The following SETD3 variants were observed in gnomAD, a reference collection of about 807,000 sequenced individuals.
The protein encoded by SETD3 is SET domain containing 3, actin N3(tau)-histidine methyltransferase.
Under a neutral mutation model 63.0 loss-of-function variants are expected in SETD3, and 19 were observed. That is an observed-to-expected ratio of 0.30 (90% CI 0.21 to 0.44). The LOEUF is 0.44. SETD3 is among the 20% of genes least tolerant of loss of function. The probability of loss-of-function intolerance (pLI) is 1.00; values close to 1 mark genes in which losing one functional copy is unlikely to be tolerated. For missense variants in SETD3, 587 were observed against 728.5 expected (o/e 0.81, Z 2.24); for synonymous variants, 286 against 264.1 (o/e 1.08, Z -0.80).
chr14:99,464,170 C>T (rs1460223832), intron 2 of SETD3, among the ~76,000 whole-genome samples: 1 of 152,170 alleles, frequency 6.6e-6, no homozygotes, highest in East Asian at 1.9e-4. Flanking sequence ...GCCAAGATTC[C>T]ACTGTGGGGC....
intron 6 of SETD3, 56 bp from the exon 7 acceptor site, chr14:99,413,990 A>T: frequency 6.7e-7 from 1 of 1,481,602 alleles, no homozygotes; most frequent in Non-Finnish European, 9.4e-7. Flanking sequence ...GGAAAACAGA[A>T]ATCAGTCAGC....
intron 6 of SETD3, among the ~76,000 whole-genome samples, chr14:99,420,007 C>T (rs1892499984): frequency 6.6e-6 from 1 of 152,192 alleles, no homozygotes; most frequent in African/African-American, 2.4e-5. Context: ...AGGCACTGTA[C>T]ATCACTGATA....
rs560245599 is a variant in SETD3 at position 99,478,129 on chromosome 14, G to A, written c.-9+2599C>T. On this transcript the variant is annotated intron_variant, in intron 1 of 12. Transcript: ENST00000331768. ...AAAAGATTTTTCACTGATAAAAAAA[G>A]GGCCCAAAAATAAGGGTAGGTAATT... Among the ~76,000 whole-genome samples the A allele has an allele frequency of 1.2e-4, 19 of 152,242 alleles. No homozygotes were observed. In the South Asian group the frequency reaches 2.9e-3, roughly 23 times the overall value.
intron 6 of SETD3, among the ~76,000 whole-genome samples, chr14:99,450,008 G>A (rs1448955970): frequency 6.6e-6 from 1 of 152,186 alleles, no homozygotes; most frequent in Non-Finnish European, 1.5e-5. Context: ...AGGGAGAGGA[G>A]CCCCATGCCA....
chr14:99,415,009 T>C (rs1892214959), intron 6 of SETD3, among the ~76,000 whole-genome samples: 1 of 152,334 alleles, frequency 6.6e-6, no homozygotes, highest in South Asian at 2.1e-4. Flanking sequence ...GAGGTAAAAG[T>C]AGCTAAAACC....
chr14:99,427,640 A>C (rs1213898348), intron 6 of SETD3, among the ~76,000 whole-genome samples: 1 of 152,164 alleles, frequency 6.6e-6, no homozygotes, highest in Non-Finnish European at 1.5e-5. Context: ...CTTTAATCTC[A>C]TCTTAAAGCT....
At chr14:99,439,782 G>A (rs936662075) in intron 6 of SETD3, among the ~76,000 whole-genome samples, 8 of 149,984 alleles carry the variant, frequency 5.3e-5, no homozygotes, top group Non-Finnish European at 1.2e-4. Context: ...ATAAATGTAT[G>A]TATTTATATG....
At chr14:99,402,600 C>A (rs576298721) in intron 11 of SETD3, among the ~76,000 whole-genome samples, 11 of 152,206 alleles carry the variant, frequency 7.2e-5, no homozygotes, top group African/African-American at 2.2e-4. Context: ...ACTCTTCCCC[C>A]ACTCCCCACC....
At chr14:99,420,078 T>C (rs6575718) in intron 6 of SETD3, among the ~76,000 whole-genome samples, 152,236 of 152,320 alleles carry the variant, frequency 1, 76,078 homozygotes, top group Middle Eastern at 1. Context: ...CACAAAAGGA[T>C]GGTAGGCAAG....
Position 99,418,953 on chromosome 14 carries a change from G to A in SETD3, c.676-5019C>T, listed in dbSNP as rs145887913. On this transcript the variant is annotated intron_variant, in intron 6 of 12. Transcript: ENST00000331768. ...CATAAGCAGCAGCATGCAAGACAGC[G>A]AGTTTCTAGAAGGCTGATCAACCCG... Among the ~76,000 whole-genome samples, 586 of 152,270 alleles carry A rather than the reference G, an allele frequency of 3.8e-3. 4 individuals carry two copies. Among genetic ancestry groups the A allele is most frequent in the African/African-American group, 0.013 (558 of 41,554 alleles).
At chr14:99,467,231 C>T (rs1183103859) in intron 1 of SETD3, among the ~76,000 whole-genome samples, 1 of 152,214 alleles carries the variant, frequency 6.6e-6, no homozygotes, top group Non-Finnish European at 1.5e-5. Context: ...CAGTGTCAGT[C>T]ATCCTGGAAT....
At chr14:99,463,430 T>C (rs1460844509) in intron 3 of SETD3, 56 bp downstream of exon 3, 2 of 1,372,672 alleles carry the variant, frequency 1.5e-6, no homozygotes, top group African/African-American at 2.9e-5. Flanking sequence ...CCCTTTGACC[T>C]AATCAAGTTT....
At chr14:99,479,942 T>C (rs1324065400) in intron 1 of SETD3, among the ~76,000 whole-genome samples, 1 of 151,338 alleles carries the variant, frequency 6.6e-6, no homozygotes, top group Non-Finnish European at 1.5e-5. Flanking sequence ...TCAGCTCCTT[T>C]TCCCAAGTGG....
intron 6 of SETD3, among the ~76,000 whole-genome samples, chr14:99,439,135 G>A (rs1174975990): frequency 6.6e-6 from 1 of 152,202 alleles, no homozygotes; most frequent in Non-Finnish European, 1.5e-5. Flanking sequence ...AGGCACTACA[G>A]GCAACCCTGG....
At chr14:99,438,842 G>A (rs1161741141) in intron 6 of SETD3, among the ~76,000 whole-genome samples, 1 of 152,148 alleles carries the variant, frequency 6.6e-6, no homozygotes, top group Non-Finnish European at 1.5e-5. Flanking sequence ...AGGCCTTTCT[G>A]TTTCATCTTC....
At chr14:99,434,466 G>A (rs983825979) in intron 6 of SETD3, among the ~76,000 whole-genome samples, 15 of 152,172 alleles carry the variant, frequency 9.9e-5, no homozygotes, top group Admixed American at 6.5e-5. Flanking sequence ...TGACACGGGC[G>A]GGGCACTGAC....
chr14:99,465,894 G>C, intron 1 of SETD3, 81 bp from the exon 2 acceptor site: 2 of 851,770 alleles, frequency 2.3e-6, no homozygotes, highest in Non-Finnish European at 3.8e-6. Flanking sequence ...CCAACACATG[G>C]CAGTGTCTTA....
chr14:99,473,999 G>A (rs889728196), intron 1 of SETD3, among the ~76,000 whole-genome samples: 5 of 152,188 alleles, frequency 3.3e-5, no homozygotes, highest in South Asian at 2.1e-4. Flanking sequence ...ACGGCTAACC[G>A]GCACCTATCA....
chr14:99,417,219 A>C (rs1385481195), intron 6 of SETD3, among the ~76,000 whole-genome samples: 4 of 152,256 alleles, frequency 2.6e-5, no homozygotes, highest in Non-Finnish European at 5.9e-5. Flanking sequence ...ATGGATTATA[A>C]GTGTTTGAAG....
Sources: allele counts gnomAD v4.1 joint callset (sites outside exome capture counted in the v4.1 genomes callset), GRCh38; gene constraint gnomAD v4.1.1; transcripts MANE v1.5; gene names NCBI Gene and HGNC (gene_info 2026-07-23, HGNC 2026-07-21).